ADAMTS6: variants seen among roughly 807,000 people sequenced by gnomAD.
ADAMTS6 encodes the protein A disintegrin and metalloproteinase with thrombospondin motifs 6.
A neutral mutation model predicts 144.3 loss-of-function variants in ADAMTS6; 23 were observed. That is an observed-to-expected ratio of 0.16 (90% confidence interval 0.11 to 0.23). The LOEUF (loss-of-function observed/expected upper bound fraction) is 0.23. Among genes scored for constraint, ADAMTS6 ranks in the 10% least tolerant of loss-of-function variants. The pLI is 1.00. For synonymous variants in ADAMTS6, 444 were observed against 457.5 expected, an observed-to-expected ratio of 0.97 and a Z score of 0.38; for missense variants, 999 against 1,379.6, an observed-to-expected ratio of 0.72 and a Z score of 4.37.
intron 18 of ADAMTS6, among the ~76,000 whole-genome samples, chr5:65,218,629 C>A (rs1179061917): frequency 6.6e-6 from 1 of 151,842 alleles, no homozygotes; most frequent in East Asian, 1.9e-4. Context: ...TGTATATACA[C>A]ACATATTTAT....
At chr5:65,245,271 T>C (rs796662804) in intron 14 of ADAMTS6, among the ~76,000 whole-genome samples, 1 of 152,150 alleles carries the variant, frequency 6.6e-6, no homozygotes, top group Non-Finnish European at 1.5e-5. Context: ...TGACTTATGG[T>C]TGGGTTCAGG....
At chr5:65,156,383 C>A (rs964388800) in intron 24 of ADAMTS6, among the ~76,000 whole-genome samples, 8 of 151,572 alleles carry the variant, frequency 5.3e-5, no homozygotes, top group Admixed American at 4.6e-4. Context: ...AAAAAACCAC[C>A]ACCACCACCA....
At chr5:65,270,930 A>C (rs1762003278) in intron 12 of ADAMTS6, among the ~76,000 whole-genome samples, 1 of 152,154 alleles carries the variant, frequency 6.6e-6, no homozygotes, top group African/African-American at 2.4e-5. Flanking sequence ...TTTTTTTCAA[A>C]TGTATATATA....
intron 9 of ADAMTS6, among the ~76,000 whole-genome samples, chr5:65,301,816 G>A (rs903872589): frequency 6.6e-5 from 10 of 151,974 alleles, no homozygotes; most frequent in Middle Eastern, 6.8e-3. Context: ...AGGCCGGGCC[G>A]GGTGGCTCAC....
chr5:65,451,755 T>C, intron 6 of ADAMTS6, 135 bp from the exon 7 acceptor site: 1 of 1,011,668 alleles, frequency 9.9e-7, no homozygotes, highest in Non-Finnish European at 1.4e-6. Flanking sequence ...TTTTTATCTC[T>C]GTAATATCTG....
chr5:65,202,110 A>G (rs11959921), intron 20 of ADAMTS6, among the ~76,000 whole-genome samples: 21,796 of 151,964 alleles, frequency 0.14, 1,645 homozygotes, highest in Non-Finnish European at 0.17. Flanking sequence ...GTACCAATCA[A>G]CTCCACTCAT....
chr5:65,452,556 T>G (rs760721742), intron 5 of ADAMTS6, 151 bp downstream of exon 5: 166 of 688,822 alleles, frequency 2.4e-4, no homozygotes, highest in Middle Eastern at 7.5e-4. Context: ...TTAAATGTAT[T>G]TTTATGGAAC....
chr5:65,253,239 AAC>A (rs772317606), intron 14 of ADAMTS6, among the ~76,000 whole-genome samples: 1 of 152,204 alleles, frequency 6.6e-6, no homozygotes, highest in Non-Finnish European at 1.5e-5. Flanking sequence ...TACATTAGAA[AAC>A]ACACAGCAAG....
chr5:65,397,482 C>T (rs1450177808), intron 7 of ADAMTS6, among the ~76,000 whole-genome samples: 3 of 129,584 alleles, frequency 2.3e-5, no homozygotes, highest in African/African-American at 8.3e-5. Flanking sequence ...GCTTTTGCTG[C>T]CTCTCATAAA....
At chr5:65,396,276 A>G (rs1012155473) in intron 7 of ADAMTS6, among the ~76,000 whole-genome samples, 13 of 152,326 alleles carry the variant, frequency 8.5e-5, no homozygotes, top group African/African-American at 3.1e-4. Context: ...GTTTTTATGC[A>G]TGCATACAAC....
Position 65,196,372 on chromosome 5 carries a change from AT to A in ADAMTS6, c.2705+649del, listed in dbSNP as rs1464741864. On this transcript the variant is annotated intron_variant, in intron 21 of 24. Transcript: ENST00000381055. ...CCCGTCTCTACTAAAAATACAAAAA[AT>A]TTAGCCGGGTGTGGTGGTGGGCGCC... Among the ~76,000 whole-genome samples the A allele has an allele frequency of 3.3e-5, 5 of 151,784 alleles. No homozygotes were observed. In the East Asian group the frequency reaches 5.8e-4, roughly 18 times the overall value.
chr5:65,185,206 A>G (rs1476755167), intron 22 of ADAMTS6, among the ~76,000 whole-genome samples: 1 of 152,192 alleles, frequency 6.6e-6, no homozygotes, highest in Non-Finnish European at 1.5e-5. Flanking sequence ...TCAGACATCT[A>G]TTTAACGTTA....
intron 24 of ADAMTS6, among the ~76,000 whole-genome samples, chr5:65,155,831 G>A (rs1349599404): frequency 6.6e-6 from 1 of 152,186 alleles, no homozygotes; most frequent in Non-Finnish European, 1.5e-5. Context: ...GAGCATCATA[G>A]TCAGGTTTCG....
intron 7 of ADAMTS6, among the ~76,000 whole-genome samples, chr5:65,431,038 C>T (rs780864331): frequency 4.6e-5 from 7 of 152,140 alleles, no homozygotes; most frequent in African/African-American, 1.4e-4. Context: ...ATCCCAACAA[C>T]TTACACGTAG....
intron 9 of ADAMTS6, among the ~76,000 whole-genome samples, chr5:65,319,739 G>GGGAAGGAAGGAAGGAAGGAA (rs776411832): frequency 6.2e-4 from 41 of 65,614 alleles, no homozygotes; most frequent in African/African-American, 2.9e-3. Context: ...GAGGGAGGGA[G>GGGAAGGAAGGAAGGAAGGAA]GGAAGGAAGG....
intron 20 of ADAMTS6, among the ~76,000 whole-genome samples, chr5:65,199,523 A>T (rs1755600772): frequency 6.6e-6 from 1 of 152,214 alleles, no homozygotes; most frequent in Non-Finnish European, 1.5e-5. Flanking sequence ...TTTGGTACAT[A>T]ATATTTGTTA....
Position 65,151,789 on chromosome 5 carries a change from C to T in ADAMTS6, c.*47G>A. ...TCTGGGTGGCTCTCTTTGATGGATGCATTTCCATGATGAAATGACAAGGCA... is the reference window on the plus strand; with the variant it reads ...TCTGGGTGGCTCTCTTTGATGGATGTATTTCCATGATGAAATGACAAGGCA... On this transcript the variant is annotated 3_prime_UTR_variant, in exon 25 of 25. Coordinates refer to ENST00000381055, the MANE Select transcript of ADAMTS6 (RefSeq NM_197941.4). 3 of 1,520,534 alleles carry T rather than the reference C, an allele frequency of 2.0e-6. No individual in the cohort carries two copies. The highest frequency in any genetic ancestry group is 2.7e-6 in the Non-Finnish European group (3 of 1,098,762). 94.2% of individuals were successfully genotyped at this position (1,520,534 alleles called of 1,614,324 possible).
intron 10 of ADAMTS6, among the ~76,000 whole-genome samples, chr5:65,292,284 T>G (rs1241662818): frequency 6.6e-6 from 1 of 152,160 alleles, no homozygotes; most frequent in Admixed American, 6.5e-5. Context: ...GATGCTTTTT[T>G]ACTTTCATTT....
chr5:65,368,150 G>T (rs1750481748), intron 7 of ADAMTS6, among the ~76,000 whole-genome samples: 1 of 152,020 alleles, frequency 6.6e-6, no homozygotes, highest in Non-Finnish European at 1.5e-5. Flanking sequence ...TGTCTGTTTT[G>T]CCCTCTTATT....
Sources: gnomAD v4.1 joint callset for allele counts (sites outside exome capture counted in the v4.1 genomes callset) on GRCh38, gnomAD v4.1.1 for gene constraint, MANE v1.5 for transcripts, NCBI Gene and HGNC (gene_info 2026-07-23, HGNC 2026-07-21) for gene names.